The following UBE4B variants were observed in gnomAD, a reference collection of about 807,000 sequenced individuals.
UBE4B encodes the protein ubiquitin conjugation factor E4 B.
In UBE4B, 27 loss-of-function variants were observed where a neutral mutation model predicts 148.1. The ratio of observed to expected loss-of-function variants is 0.18; its 90% confidence interval spans 0.13 to 0.25. The LOEUF is 0.25. Ranked by LOEUF, UBE4B falls within the 10% of genes least tolerant of loss-of-function variation. UBE4B has a pLI of 1.00. For missense variants in UBE4B, 1,170 were observed against 1,662.4 expected, an observed-to-expected ratio of 0.70 and a Z score of 5.15; for synonymous variants, 596 against 619.3, an observed-to-expected ratio of 0.96 and a Z score of 0.56.
At position 10,032,964 on chromosome 1, in the gene UBE4B, C is replaced by G. The variant is rs1156875970; in HGVS notation, c.-707C>G. ...CTGACGGGGGTCACGTGATCCCTTT[C>G]AAAGATGGCCGCCCTGTTGTTTTGA... is the stretch of plus-strand genomic sequence containing the variant. On this transcript the variant is annotated 5_prime_UTR_variant, in exon 1 of 28. Transcript: ENST00000343090. 6.6e-6 allele frequency: 1 copy of G among 152,172 alleles called. No individual in the cohort carries two copies. The highest frequency in any genetic ancestry group is 2.4e-5 in the African/African-American group (1 of 41,434). 9.4% of individuals were successfully genotyped at this position (152,172 alleles called of 1,614,324 possible). A position where few individuals can be genotyped will look rare whatever the true frequency, so the allele number is the denominator to read the frequency against.
At chr1:10,179,838 C>T (rs1217628811) in intron 27 of UBE4B, 57 bp from the exon 28 acceptor site, 4 of 1,597,298 alleles carry the variant, frequency 2.5e-6, no homozygotes, top group Admixed American at 1.7e-5. Context: ...CAAGCATCCT[C>T]TCTCAGGAAG....
chr1:10,049,600 T>A (rs866985349), intron 1 of UBE4B, among the ~76,000 whole-genome samples: 10 of 151,936 alleles, frequency 6.6e-5, no homozygotes, highest in Non-Finnish European at 1.0e-4. Context: ...AAAATTTTTT[T>A]AAATTAGGAA....
At chr1:10,167,237 C>T (rs139629758) in intron 23 of UBE4B, among the ~76,000 whole-genome samples, 1,544 of 151,868 alleles carry the variant, frequency 0.01, 30 homozygotes, top group African/African-American at 0.035. Flanking sequence ...GTCAGGAGTT[C>T]GAGACCAGCC....
intron 1 of UBE4B, among the ~76,000 whole-genome samples, chr1:10,055,660 C>T (rs1194754644): frequency 6.6e-6 from 1 of 152,172 alleles, no homozygotes; most frequent in African/African-American, 2.4e-5. Context: ...TGGCTCATGC[C>T]TGTAATCCCA....
intron 1 of UBE4B, among the ~76,000 whole-genome samples, chr1:10,052,650 A>G (rs1238887040): frequency 6.6e-6 from 1 of 152,154 alleles, no homozygotes; most frequent in South Asian, 2.1e-4. Flanking sequence ...TTCTTAATAC[A>G]TTTGAACAAG....
chr1:10,106,275 T>C lies in UBE4B; in HGVS notation c.888T>C (p.Pro296=), dbSNP rs768995228. ...VPVMGPSLAS[P]SRAASQLAVP... ...TGATGGGCCCGTCTCTTGCCTCACCTTCCCGTGCAGCCAGCCAGTTGGCTG... is the reference window on the plus strand; with the variant it reads ...TGATGGGCCCGTCTCTTGCCTCACCCTCCCGTGCAGCCAGCCAGTTGGCTG... Residue 296 remains proline, a synonymous_variant, in exon 7 of 28, where the codon CCT becomes CCC. Coordinates refer to ENST00000343090, the MANE Select transcript of UBE4B (RefSeq NM_001105562.3). The surrounding 1 kb of genome is among the most constrained non-coding windows in gnomAD (Gnocchi z 4.2). 1.9e-6 allele frequency: 3 copies of C among 1,614,142 alleles called. No individual in the cohort carries two copies. In the South Asian group the frequency reaches 3.3e-5, roughly 18 times the overall value.
intron 1 of UBE4B, among the ~76,000 whole-genome samples, chr1:10,070,242 C>T (rs1244531513): frequency 6.6e-6 from 1 of 151,298 alleles, no homozygotes; most frequent in Non-Finnish European, 1.5e-5. Flanking sequence ...CCATTGTACT[C>T]CAGCCTGGGT....
At chr1:10,141,876 T>TC (rs1172841465) in intron 17 of UBE4B, among the ~76,000 whole-genome samples, 1 of 152,164 alleles carries the variant, frequency 6.6e-6, no homozygotes, top group African/African-American at 2.4e-5. Flanking sequence ...ACTCTTTGGG[T>TC]CCCAGTCTTT....
intron 2 of UBE4B, among the ~76,000 whole-genome samples, chr1:10,078,072 C>T (rs1283671817): frequency 6.6e-6 from 1 of 151,882 alleles, no homozygotes; most frequent in African/African-American, 2.4e-5. Flanking sequence ...TGCAGTGGCA[C>T]GATCTTGGCT....
Position 10,161,202 on chromosome 1 carries a change from C to G in UBE4B, c.3114C>G (p.Leu1038=), listed in dbSNP as rs541355879. The G allele has an allele frequency of 2.8e-5, 45 of 1,614,064 alleles. 1 individual carries two copies. Among genetic ancestry groups the G allele is most frequent in the African/African-American group, 1.5e-4 (11 of 75,012 alleles). ...TGATAAACGACACGACGTTTTTGCTCGATGAAAGTCTGGAGTCTCTGAAGC... is the reference window on the plus strand; with the variant it reads ...TGATAAACGACACGACGTTTTTGCTGGATGAAAGTCTGGAGTCTCTGAAGC... ...NMLINDTTFL[L]DESLESLKRI... The change falls in exon 23 of 28, where the codon CTC becomes CTG. Residue 1038 remains leucine (L), a synonymous_variant. Coordinates refer to ENST00000343090, the MANE Select transcript of UBE4B (RefSeq NM_001105562.3). This position sits in a 1 kb window ranked among gnomAD's most constrained non-coding sequence, Gnocchi z 4.1.
Position 10,132,439 on chromosome 1 carries a change from T to C in UBE4B, c.1982T>C (p.Met661Thr), listed in dbSNP as rs1645611339. 6.2e-7 allele frequency: 1 copy of C among 1,614,264 alleles called. No individual in the cohort carries two copies. The highest frequency in any genetic ancestry group is 1.1e-5 in the South Asian group (1 of 91,090). Reference sequence around the variant, plus strand: ...ACCCGTGAGGCTGCTCTCAGTTACATGGCGGCTGTCGTCAATGCCAATATG... The same window carrying C: ...ACCCGTGAGGCTGCTCTCAGTTACACGGCGGCTGTCGTCAATGCCAATATG... ...GETREAALSY[M>T]AAVVNANMKK... The change falls in exon 15 of 28, where the codon ATG becomes ACG. Residue 661 changes from methionine to threonine, a missense_variant. This residue lies in a region of UBE4B where 388 missense variants were observed against 536.0 expected (regional missense o/e 0.72). Coordinates refer to ENST00000343090, the MANE Select transcript of UBE4B (RefSeq NM_001105562.3).
At chr1:10,163,298 T>C (rs1204163236) in intron 23 of UBE4B, 1 of 152,128 alleles carries the variant, frequency 6.6e-6, no homozygotes, top group Non-Finnish European at 1.5e-5. Context: ...TATACTAACA[T>C]TGGAACAATG....
intron 21 of UBE4B, 64 bp from the exon 22 acceptor site, chr1:10,158,292 C>T: frequency 6.3e-7 from 1 of 1,575,238 alleles, no homozygotes; most frequent in Non-Finnish European, 8.6e-7. Flanking sequence ...ATTGTTGGGG[C>T]AATAACTGGA....
intron 5 of UBE4B, among the ~76,000 whole-genome samples, chr1:10,103,455 A>G (rs575288833): frequency 6.7e-6 from 1 of 148,384 alleles, no homozygotes; most frequent in East Asian, 2.0e-4. Context: ...TTATTTTGAG[A>G]TGGAATCTCA....
chr1:10,136,996 C>T, intron 16 of UBE4B, 71 bp from the exon 17 acceptor site: 4 of 1,511,552 alleles, frequency 2.6e-6, no homozygotes, highest in Admixed American at 1.8e-5. Flanking sequence ...ATTTTCTCTT[C>T]TGAATTCAGC....
At chr1:10,143,617 T>C (rs900648255) in intron 17 of UBE4B, among the ~76,000 whole-genome samples, 5 of 152,226 alleles carry the variant, frequency 3.3e-5, no homozygotes, top group African/African-American at 9.6e-5. Flanking sequence ...GGAGATCACA[T>C]GTTCACAGGT....
intron 19 of UBE4B, among the ~76,000 whole-genome samples, chr1:10,147,907 C>T (rs1050209835): frequency 1.3e-5 from 2 of 152,154 alleles, no homozygotes; most frequent in Non-Finnish European, 2.9e-5. Context: ...GCCCAAGACC[C>T]GTGAAGGCGT....
intron 4 of UBE4B, among the ~76,000 whole-genome samples, chr1:10,101,605 T>G (rs1645014091): frequency 6.8e-6 from 1 of 147,336 alleles, no homozygotes; most frequent in Non-Finnish European, 1.5e-5. Context: ...GCCTCCCAGG[T>G]TCACACCATT....
chr1:10,106,485 C>T lies in UBE4B; in HGVS notation c.1098C>T (p.Ser366=). Reference sequence around the variant, plus strand: ...GTAGCCCCCAAGCAGTGCCCGCCAGCAGTTCCAGACAGAGGCCCAGCAGCA... The same window carrying T: ...GTAGCCCCCAAGCAGTGCCCGCCAGTAGTTCCAGACAGAGGCCCAGCAGCA... The part of the protein sequence containing the change: ...LASSPQAVPA[S]SSRQRPSSTG... Residue 366 remains serine, a synonymous_variant, in exon 7 of 28, where the codon AGC becomes AGT. Transcript: ENST00000343090. This position sits in a 1 kb window ranked among gnomAD's most constrained non-coding sequence, Gnocchi z 4.2. 6.2e-7 allele frequency: 1 copy of T among 1,613,680 alleles called. No homozygotes were observed.
Sources: allele counts gnomAD v4.1 joint callset (sites outside exome capture counted in the v4.1 genomes callset), GRCh38; gene constraint gnomAD v4.1.1; regional missense constraint gnomAD v4.1.1; non-coding constraint Gnocchi (gnomAD v3.1); transcripts MANE v1.5; gene names NCBI Gene and HGNC (gene_info 2026-07-23, HGNC 2026-07-21).